PHKB: variants seen among roughly 807,000 people sequenced by gnomAD.
The protein encoded by PHKB is phosphorylase kinase regulatory subunit beta, also known as phosphorylase b kinase regulatory subunit beta.
A neutral mutation model predicts 152.1 loss-of-function variants in PHKB; 122 were observed. The observed-to-expected ratio is 0.80, with a 90% CI of 0.69 to 0.93. The LOEUF is 0.93. Among genes scored for constraint, PHKB ranks in the 40% least tolerant of loss-of-function variants. PHKB has a pLI of 0.00. For missense variants in PHKB, 1,304 were observed against 1,328.4 expected, an observed-to-expected ratio of 0.98 and a Z score of 0.29; for synonymous variants, 436 against 464.9, an observed-to-expected ratio of 0.94 and a Z score of 0.80.
intron 1 of PHKB, among the ~76,000 whole-genome samples, chr16:47,486,376 G>A (rs530711210): frequency 1.7e-4 from 26 of 152,202 alleles, no homozygotes; most frequent in Admixed American, 9.2e-4. Flanking sequence ...GGAGTAAATC[G>A]GAATTTTAAG....
rs1374986308 is a variant in PHKB at position 47,634,769 on chromosome 16, G to A, written c.1459-6266G>A. Among the ~76,000 whole-genome samples the A allele has an allele frequency of 3.3e-5, 5 of 152,340 alleles. No individual in the cohort carries two copies. In the East Asian group the frequency reaches 7.7e-4, roughly 24 times the overall value. On this transcript the variant is annotated intron_variant, in intron 14 of 30. Transcript: ENST00000323584. ...GAGGACCCAGGGTGGCTAAAACATGGTGAAGAAGAGAAGGGAGAATAAGAA... is the reference window on the plus strand; with the variant it reads ...GAGGACCCAGGGTGGCTAAAACATGATGAAGAAGAGAAGGGAGAATAAGAA...
In PHKB at chr16:47,701,096, T is replaced by TAA. The variant is rs1222352807; in HGVS notation, c.*1733_*1734dup. 3 of 152,022 alleles carry TAA rather than the reference T, an allele frequency of 2.0e-5. No individual in the cohort carries two copies. Among genetic ancestry groups the TAA allele is most frequent in the Non-Finnish European group, 4.4e-5 (3 of 68,004 alleles). The allele number at this position is 152,022 out of a possible 1,614,324, so 9.4% of individuals were successfully genotyped here. On this transcript the variant is annotated 3_prime_UTR_variant, in exon 31 of 31. Transcript: ENST00000323584. ...AGTCGTGAAGGGTGAAGCTAATTTG[T>TAA]AAAACTAATGCCTGAAAAAAACGTA...
chr16:47,587,550 T>G (rs778832299), intron 8 of PHKB, 118 bp from the exon 9 acceptor site: 8 of 694,120 alleles, frequency 1.2e-5, no homozygotes, highest in South Asian at 1.6e-5. Flanking sequence ...CTTCTGGAAC[T>G]CCACACTCAA....
Position 47,691,702 on chromosome 16 carries a change from C to CAA in PHKB, c.2766-1662_2766-1661dup, listed in dbSNP as rs199517491. Among the ~76,000 whole-genome samples the CAA allele has an allele frequency of 3.3e-4, 32 of 95,682 alleles. No individual in the cohort carries two copies. In the East Asian group the frequency reaches 6.6e-3, roughly 20 times the overall value. The allele number at this position is 95,682 out of a possible 152,430, so 62.8% of individuals were successfully genotyped here. A position where few individuals can be genotyped will look rare whatever the true frequency, so the allele number is the denominator to read the frequency against. ...TCAGTGATAGAGTCAGATCCTGTCT[C>CAA]AAAAAAAAAAAAAAATGGAAAAGGG... is the stretch of plus-strand genomic sequence containing the variant. On this transcript the variant is annotated intron_variant, in intron 27 of 30. Transcript: ENST00000323584.
At chr16:47,548,843 G>T (rs1016499710) in intron 7 of PHKB, among the ~76,000 whole-genome samples, 24 of 152,174 alleles carry the variant, frequency 1.6e-4, no homozygotes, top group African/African-American at 5.8e-4. Flanking sequence ...TTATGTCATT[G>T]TTATAATAAT....
intron 26 of PHKB, among the ~76,000 whole-genome samples, chr16:47,680,857 A>T (rs1973839856): frequency 6.6e-6 from 1 of 151,664 alleles, no homozygotes; most frequent in Non-Finnish European, 1.5e-5. Context: ...TTTAATTGTG[A>T]TTTTAGGATG....
intron 18 of PHKB, 73 bp downstream of exon 18, chr16:47,649,277 G>A: frequency 1.2e-6 from 1 of 858,752 alleles, no homozygotes; most frequent in Non-Finnish European, 2.0e-6. Flanking sequence ...TTACTATATT[G>A]AGTACTCCCA....
At chr16:47,578,475 AG>A in intron 7 of PHKB, among the ~76,000 whole-genome samples, 1 of 152,270 alleles carries the variant, frequency 6.6e-6, no homozygotes, top group South Asian at 2.1e-4. Context: ...CCACTCTGGT[AG>A]AAGAAGGGGT....
At chr16:47,468,965 G>A (rs1190154534) in intron 1 of PHKB, among the ~76,000 whole-genome samples, 1 of 152,096 alleles carries the variant, frequency 6.6e-6, no homozygotes, top group African/African-American at 2.4e-5. Context: ...CTTTAGAAAG[G>A]CTTTTTCTGC....
chr16:47,663,034 A>G (rs1482349131), intron 23 of PHKB, among the ~76,000 whole-genome samples: 1 of 152,200 alleles, frequency 6.6e-6, no homozygotes. Context: ...TGAAAATCAT[A>G]TGCATCTACA....
rs147884054 is a variant in PHKB at position 47,565,993 on chromosome 16, C to G, written c.711-14302C>G. On this transcript the variant is annotated intron_variant, in intron 7 of 30. Coordinates refer to ENST00000323584, the MANE Select transcript of PHKB (RefSeq NM_000293.3). ...TCTCTGGAGCTCTATGACCGATCAT[C>G]CCGTCTGTTGGATCAGTCTTCATCA... 2.4e-4 allele frequency: 182 copies of G among 760,580 alleles called. No homozygotes were observed. The African/African-American group carries it at 2.7e-3, about 11-fold the overall frequency. 47.1% of individuals were successfully genotyped at this position (760,580 alleles called of 1,614,324 possible). A position where few individuals can be genotyped will look rare whatever the true frequency, so the allele number is the denominator to read the frequency against.
At chr16:47,646,572 T>TA (rs35849346) in intron 16 of PHKB, among the ~76,000 whole-genome samples, 4,914 of 107,662 alleles carry the variant, frequency 0.046, 277 homozygotes, top group African/African-American at 0.14. Context: ...AAAAAAATAA[T>TA]AAAAAAAAAA....
chr16:47,494,561 A>G (rs1400946741), intron 1 of PHKB, among the ~76,000 whole-genome samples: 1 of 152,156 alleles, frequency 6.6e-6, no homozygotes, highest in East Asian at 1.9e-4. Context: ...TGAGCCTGGT[A>G]AGTTTTGCAT....
intron 1 of PHKB, among the ~76,000 whole-genome samples, chr16:47,474,943 C>G (rs548729302): frequency 2.0e-5 from 3 of 152,108 alleles, no homozygotes; most frequent in Non-Finnish European, 2.9e-5. Flanking sequence ...AGGCTGGTCT[C>G]GAACTCCTGA....
At chr16:47,670,639 G>A (rs747699508) in intron 26 of PHKB, among the ~76,000 whole-genome samples, 10 of 151,924 alleles carry the variant, frequency 6.6e-5, no homozygotes, top group East Asian at 5.8e-4. Context: ...ACAAGCGTGC[G>A]CCACCACACC....
At chr16:47,542,934 T>G (rs1334813281) in intron 6 of PHKB, among the ~76,000 whole-genome samples, 1 of 152,236 alleles carries the variant, frequency 6.6e-6, no homozygotes, top group Non-Finnish European at 1.5e-5. Context: ...TATACAATCA[T>G]GTCATCTGCA....
At chr16:47,636,120 G>A (rs943430966) in intron 14 of PHKB, among the ~76,000 whole-genome samples, 1 of 152,200 alleles carries the variant, frequency 6.6e-6, no homozygotes, top group Non-Finnish European at 1.5e-5. Context: ...TGTTTGGGAT[G>A]GAGGTGGGGT....
chr16:47,511,905 T>C, intron 5 of PHKB, 133 bp downstream of exon 5: 1 of 689,814 alleles, frequency 1.4e-6, no homozygotes, highest in Non-Finnish European at 2.6e-6. Context: ...CTAGATGGTT[T>C]TGGGATGAAA....
chr16:47,559,548 A>G (rs1340609866), intron 7 of PHKB, among the ~76,000 whole-genome samples: 1 of 152,084 alleles, frequency 6.6e-6, no homozygotes, highest in Admixed American at 6.6e-5. Context: ...GCTTATCTTG[A>G]AGGCTTTGTC....
Sources: allele counts gnomAD v4.1 joint callset (sites outside exome capture counted in the v4.1 genomes callset), GRCh38; gene constraint gnomAD v4.1.1; transcripts MANE v1.5; gene names NCBI Gene and HGNC (gene_info 2026-07-23, HGNC 2026-07-21).